The following TPGS2 variants were observed in gnomAD, a reference collection of about 807,000 sequenced individuals.
The protein encoded by TPGS2 is tubulin polyglutamylase complex subunit 2, also known as polyglutamylase subunit 2.
TPGS2 carries 26 observed loss-of-function variants against 31.1 expected under a neutral mutation model. The ratio of observed to expected loss-of-function variants is 0.84; its 90% CI spans 0.61 to 1.16. The LOEUF is 1.16. TPGS2 is among the 50% of genes most tolerant of loss of function. TPGS2 has a pLI of 0.00. For synonymous variants in TPGS2, 130 were observed against 136.6 expected, an observed-to-expected ratio of 0.95 and a Z score of 0.34; for missense variants, 351 against 363.8, an observed-to-expected ratio of 0.96 and a Z score of 0.29.
At chr18:36,810,648 A>AGAT (rs1271630725) in intron 2 of TPGS2, among the ~76,000 whole-genome samples, 1 of 152,228 alleles carries the variant, frequency 6.6e-6, no homozygotes, top group Non-Finnish European at 1.5e-5. Flanking sequence ...GATTGCATCA[A>AGAT]GATGGTATCT....
At chr18:36,803,041 A>C (rs962808895) in intron 4 of TPGS2, among the ~76,000 whole-genome samples, 4 of 152,154 alleles carry the variant, frequency 2.6e-5, no homozygotes, top group African/African-American at 9.7e-5. Flanking sequence ...ATGGAGAACA[A>C]CACGCTATTT....
intron 2 of TPGS2, among the ~76,000 whole-genome samples, chr18:36,812,908 C>G (rs895028328): frequency 6.6e-6 from 1 of 152,186 alleles, no homozygotes; most frequent in Non-Finnish European, 1.5e-5. Flanking sequence ...AACACACACA[C>G]ATTTGGTCAT....
intron 6 of TPGS2, chr18:36,786,587 G>C (rs550634157): frequency 3.1e-6 from 1 of 321,540 alleles, no homozygotes; most frequent in East Asian, 4.9e-5. Flanking sequence ...TTTAGATCCT[G>C]TTTATTATTT....
intron 4 of TPGS2, among the ~76,000 whole-genome samples, chr18:36,803,607 G>A (rs1314198464): frequency 6.6e-6 from 1 of 152,002 alleles, no homozygotes; most frequent in African/African-American, 2.4e-5. Flanking sequence ...AATGGAAAGT[G>A]TCCTGAATCT....
chr18:36,818,587 G>A, intron 2 of TPGS2: 1 of 262,166 alleles, frequency 3.8e-6, no homozygotes. Flanking sequence ...GTTCTGGACA[G>A]CATGACACTT....
chr18:36,815,787 A>G (rs1429080391), intron 2 of TPGS2, among the ~76,000 whole-genome samples: 1 of 152,214 alleles, frequency 6.6e-6, no homozygotes, highest in Admixed American at 6.5e-5. Context: ...CAGGTGAAAG[A>G]AACATTTTTA....
chr18:36,825,629 G>C (rs1189637630), intron 1 of TPGS2, among the ~76,000 whole-genome samples: 1 of 152,128 alleles, frequency 6.6e-6, no homozygotes, highest in African/African-American at 2.4e-5. Flanking sequence ...TAAGTGTACA[G>C]TTAAGTGGCA....
intron 2 of TPGS2, among the ~76,000 whole-genome samples, chr18:36,809,769 G>A (rs954221314): frequency 6.6e-6 from 1 of 152,150 alleles, no homozygotes; most frequent in African/African-American, 2.4e-5. Flanking sequence ...TAGTGGTGAA[G>A]ACAAGGAAAC....
intron 3 of TPGS2, among the ~76,000 whole-genome samples, chr18:36,806,614 A>C (rs1318942495): frequency 6.6e-6 from 1 of 152,122 alleles, no homozygotes. Flanking sequence ...GCACTTTGGG[A>C]GGCCAAGGTG....
chr18:36,828,311 G>A (rs2046285258), intron 1 of TPGS2, among the ~76,000 whole-genome samples: 1 of 152,192 alleles, frequency 6.6e-6, no homozygotes, highest in Non-Finnish European at 1.5e-5. Flanking sequence ...CCCAGAGAAA[G>A]GTCTTGGGTT....
chr18:36,826,752 T>C (rs192774251), intron 1 of TPGS2, among the ~76,000 whole-genome samples: 12 of 152,308 alleles, frequency 7.9e-5, no homozygotes, highest in Admixed American at 4.6e-4. Flanking sequence ...CGTCAAATCA[T>C]TGAATCTGGT....
intron 2 of TPGS2, among the ~76,000 whole-genome samples, chr18:36,811,205 T>C (rs1232059191): frequency 1.3e-5 from 2 of 152,194 alleles, no homozygotes; most frequent in African/African-American, 4.8e-5. Context: ...TTCCATGAAG[T>C]GGAGGAAAAC....
Position 36,796,771 on chromosome 18 carries a change from TC to T in TPGS2, c.*33del. On this transcript the variant is annotated 3_prime_UTR_variant, in exon 7 of 7. Transcript: ENST00000334295. ...GCCATCTGTGCATGGAAACCACCAC[TC>T]TGGAGCTGGTAGGGAGTTGGAGGGA... 2.5e-6 allele frequency: 4 copies of T among 1,574,382 alleles called. No individual in the cohort carries two copies. The highest frequency in any genetic ancestry group is 3.4e-6 in the Non-Finnish European group (4 of 1,167,130).
At chr18:36,803,427 C>T in intron 4 of TPGS2, among the ~76,000 whole-genome samples, 1 of 151,976 alleles carries the variant, frequency 6.6e-6, no homozygotes, top group Non-Finnish European at 1.5e-5. Flanking sequence ...TTATTTTTGC[C>T]TAGAAGCTTG....
chr18:36,828,417 C>T (rs966675771), intron 1 of TPGS2, among the ~76,000 whole-genome samples: 4 of 152,166 alleles, frequency 2.6e-5, no homozygotes, highest in Non-Finnish European at 4.4e-5. Flanking sequence ...CGTCTCTGCC[C>T]GTCCTTCCTG....
chr18:36,818,667 G>A (rs890330088), intron 2 of TPGS2: 19 of 458,368 alleles, frequency 4.1e-5, no homozygotes, highest in African/African-American at 3.7e-4. Context: ...AATGTCCACT[G>A]CTTCTGTAGG....
Position 36,807,857 on chromosome 18 carries a change from C to T in TPGS2, c.243G>A (p.Val81=). The change falls in exon 3 of 7, where the codon GTG becomes GTA. Residue 81 remains valine (V), a synonymous_variant. Coordinates refer to ENST00000334295, the MANE Select transcript of TPGS2 (RefSeq NM_015476.4). ...AGGAGGCTGACTCACCATCCAGCTT[C>T]ACACTCCATGTCATGTGGAAGCCAT... ...MTNGFHMTWS[V]KLDEHIIPLG... The T allele has an allele frequency of 6.2e-7, 1 of 1,614,110 alleles. No homozygotes were observed. Among genetic ancestry groups the T allele is most frequent in the Non-Finnish European group, 8.5e-7 (1 of 1,180,008 alleles).
At chr18:36,823,407 G>A (rs570129495) in intron 1 of TPGS2, among the ~76,000 whole-genome samples, 5 of 150,810 alleles carry the variant, frequency 3.3e-5, no homozygotes, top group Admixed American at 2.0e-4. Flanking sequence ...CAGCAACAGC[G>A]TAACAGATTC....
chr18:36,780,203 T>G, downstream of TPGS2: 1 of 1,231,646 alleles, frequency 8.1e-7, no homozygotes, highest in Non-Finnish European at 1.0e-6. Context: ...ATTTTGTTAA[T>G]AGAGTGAGTA....
Sources: gnomAD v4.1 joint callset for allele counts (sites outside exome capture counted in the v4.1 genomes callset) on GRCh38, gnomAD v4.1.1 for gene constraint, MANE v1.5 for transcripts, NCBI Gene and HGNC (gene_info 2026-07-23, HGNC 2026-07-21) for gene names.